Variants in CSNK1G1 observed in about 807,000 individuals in gnomAD.
CSNK1G1 encodes the protein casein kinase I isoform gamma-1.
CSNK1G1 carries 22 observed loss-of-function variants against 59.6 expected under a neutral mutation model. The ratio of observed to expected loss-of-function variants is 0.37; its 90% CI spans 0.26 to 0.53. The LOEUF is 0.53. CSNK1G1 is among the 20% of genes least tolerant of loss of function. CSNK1G1 has a pLI of 0.89. For missense variants in CSNK1G1, 384 were observed against 519.5 expected (o/e 0.74, Z 2.54); for synonymous variants, 179 against 177.1 (o/e 1.01, Z -0.08).
chr15:64,270,549 G>A (rs1373028982), intron 2 of CSNK1G1, among the ~76,000 whole-genome samples: 1 of 152,092 alleles, frequency 6.6e-6, no homozygotes, highest in Non-Finnish European at 1.5e-5. Context: ...CACGAGGTCA[G>A]GAGATCGAGA....
intron 1 of CSNK1G1, among the ~76,000 whole-genome samples, chr15:64,338,745 C>T (rs1365517645): frequency 7.2e-6 from 1 of 138,416 alleles, no homozygotes; most frequent in Non-Finnish European, 1.5e-5. Context: ...TGGCCGGGCG[C>T]GATAGCTTAC....
intron 4 of CSNK1G1, among the ~76,000 whole-genome samples, chr15:64,228,651 A>G (rs1014961775): frequency 6.6e-6 from 1 of 152,154 alleles, no homozygotes; most frequent in Admixed American, 6.5e-5. Flanking sequence ...AGAAAAGAAA[A>G]AGAAAAAGTA....
intron 4 of CSNK1G1, among the ~76,000 whole-genome samples, chr15:64,232,324 T>G (rs1023786263): frequency 5.9e-5 from 9 of 152,168 alleles, no homozygotes; most frequent in Non-Finnish European, 1.3e-4. Context: ...TATTCTCAAA[T>G]AGAAAAGGGC....
At chr15:64,303,624 T>C (rs944972564) in intron 1 of CSNK1G1, among the ~76,000 whole-genome samples, 1 of 151,862 alleles carries the variant, frequency 6.6e-6, no homozygotes. Flanking sequence ...TGGTTGTGCA[T>C]GCCTGTAATC....
intron 1 of CSNK1G1, among the ~76,000 whole-genome samples, chr15:64,334,454 T>C (rs1241210495): frequency 6.6e-6 from 1 of 152,196 alleles, no homozygotes; most frequent in Non-Finnish European, 1.5e-5. Context: ...ACATTTATTA[T>C]GCACTTAATT....
rs2081602917 is a variant in CSNK1G1, at chr15:64,166,348, A to C, written c.*5583T>G. On this transcript the variant is annotated 3_prime_UTR_variant, in exon 12 of 12. Coordinates refer to ENST00000303052, the MANE Select transcript of CSNK1G1 (RefSeq NM_022048.5). The surrounding 1 kb of genome is among the most constrained non-coding windows in gnomAD (Gnocchi z 4.5). The stretch of plus-strand genomic sequence containing the variant: ...GGGTATATATTTTTGGTTTATCTTT[A>C]TCTTTTCTGCTGTTATTTTTTTTCT... 1 of 224,034 alleles carries C rather than the reference A, an allele frequency of 4.5e-6. No individual in the cohort carries two copies. The highest frequency in any genetic ancestry group is 1.7e-4 in the South Asian group (1 of 5,752). 13.9% of individuals were successfully genotyped at this position (224,034 alleles called of 1,614,324 possible).
chr15:64,169,900 T>C lies in CSNK1G1; in HGVS notation c.*2031A>G, dbSNP rs552067208. 6.6e-6 allele frequency: 1 copy of C among 152,220 alleles called. No individual in the cohort carries two copies. Among genetic ancestry groups the C allele is most frequent in the African/African-American group, 2.4e-5 (1 of 41,442 alleles). 9.4% of individuals were successfully genotyped at this position (152,220 alleles called of 1,614,324 possible). A position where few individuals can be genotyped will look rare whatever the true frequency, so the allele number is the denominator to read the frequency against. On this transcript the variant is annotated 3_prime_UTR_variant, in exon 12 of 12. Transcript: ENST00000303052. ...GTACCTCTGATCCATGTTAATGTTATTTCTGCTCTGTGTAAGGTACATCAA... is the reference window on the plus strand; with the variant it reads ...GTACCTCTGATCCATGTTAATGTTACTTCTGCTCTGTGTAAGGTACATCAA...
chr15:64,240,308 A>T (rs2082677006), intron 4 of CSNK1G1, among the ~76,000 whole-genome samples: 1 of 152,206 alleles, frequency 6.6e-6, no homozygotes, highest in African/African-American at 2.4e-5. Flanking sequence ...GGACACCATT[A>T]AGTGAACAAA....
intron 10 of CSNK1G1, among the ~76,000 whole-genome samples, chr15:64,186,237 G>A (rs1400816751): frequency 6.6e-6 from 1 of 152,138 alleles, no homozygotes; most frequent in East Asian, 1.9e-4. Context: ...CTCCCAAGTA[G>A]CTGGGACTAC....
intron 10 of CSNK1G1, among the ~76,000 whole-genome samples, chr15:64,186,181 A>C (rs1041613771): frequency 6.6e-6 from 1 of 152,112 alleles, no homozygotes; most frequent in Non-Finnish European, 1.5e-5. Context: ...ATCTCAGCTC[A>C]CTGCAACTTC....
At chr15:64,208,914 G>T (rs1036032332) in intron 6 of CSNK1G1, among the ~76,000 whole-genome samples, 1 of 149,872 alleles carries the variant, frequency 6.7e-6, no homozygotes, top group Admixed American at 6.6e-5. Flanking sequence ...TTGAGACAAG[G>T]TCTCGCTCTG....
chr15:64,235,335 A>G (rs983933494), intron 4 of CSNK1G1, among the ~76,000 whole-genome samples: 6 of 152,220 alleles, frequency 3.9e-5, no homozygotes, highest in African/African-American at 1.4e-4. Context: ...TCTTAAACCA[A>G]CATTTTTTAT....
At chr15:64,278,294 G>A (rs1029409032) in intron 2 of CSNK1G1, among the ~76,000 whole-genome samples, 12 of 151,170 alleles carry the variant, frequency 7.9e-5, no homozygotes, top group Non-Finnish European at 1.2e-4. Flanking sequence ...TAATCCACCC[G>A]CCTCGGCCTC....
chr15:64,324,220 A>ATGGTTAATACT (rs1333340716), intron 1 of CSNK1G1, among the ~76,000 whole-genome samples: 1 of 152,186 alleles, frequency 6.6e-6, no homozygotes. Context: ...GTCCTGTGCG[A>ATGGTTAATACT]TGGTTAATAC....
chr15:64,185,505 A>C lies in CSNK1G1; in HGVS notation c.1108-5051T>G, dbSNP rs115257382. Among the ~76,000 whole-genome samples, 1,257 of 152,300 alleles carry C rather than the reference A, an allele frequency of 8.3e-3. 17 individuals are homozygous for C. Among genetic ancestry groups the C allele is most frequent in the African/African-American group, 0.029 (1,202 of 41,558 alleles). ...AGCTGGTAAAACTTAGTTTATAGGG[A>C]GTAGAGGAAGTTGCATGTTTCAAAA... is the stretch of plus-strand genomic sequence containing the variant. On this transcript the variant is annotated intron_variant, in intron 10 of 11. Transcript: ENST00000303052.
chr15:64,293,688 G>A (rs1353956939), intron 2 of CSNK1G1, among the ~76,000 whole-genome samples: 2 of 152,214 alleles, frequency 1.3e-5, no homozygotes, highest in Non-Finnish European at 2.9e-5. Flanking sequence ...CATGGCAGGA[G>A]GTGAGCAGTG....
intron 7 of CSNK1G1, among the ~76,000 whole-genome samples, chr15:64,206,586 CAAAAAAAAAAA>C (rs36192246): frequency 2.0e-5 from 1 of 49,672 alleles, no homozygotes; most frequent in Non-Finnish European, 3.3e-5. Flanking sequence ...AACTCTGTCT[CAAAAAAAAAAA>C]AAAAAAAAAA....
chr15:64,269,289 A>G (rs1019368594), intron 2 of CSNK1G1, among the ~76,000 whole-genome samples: 1 of 152,142 alleles, frequency 6.6e-6, no homozygotes, highest in Non-Finnish European at 1.5e-5. Flanking sequence ...CAGTAGAATT[A>G]GGCTGTGAAT....
chr15:64,301,427 C>T (rs941611671), intron 1 of CSNK1G1, among the ~76,000 whole-genome samples: 1 of 150,898 alleles, frequency 6.6e-6, no homozygotes, highest in Non-Finnish European at 1.5e-5. Flanking sequence ...CTGCAGTGTC[C>T]AAATTCAGGA....
Sources: gnomAD v4.1 joint callset for allele counts (sites outside exome capture counted in the v4.1 genomes callset) on GRCh38, gnomAD v4.1.1 for gene constraint, Gnocchi (gnomAD v3.1) non-coding constraint, MANE v1.5 for transcripts, NCBI Gene and HGNC (gene_info 2026-07-23, HGNC 2026-07-21) for gene names.